LARP4B: variants seen among roughly 807,000 people sequenced by gnomAD.
The protein encoded by LARP4B is La ribonucleoprotein 4B.
In LARP4B, 12 loss-of-function variants were observed where a neutral mutation model predicts 89.8. That is an observed-to-expected ratio of 0.13 (90% CI 0.09 to 0.22). The LOEUF (loss-of-function observed/expected upper bound fraction) is 0.22. LARP4B is among the 10% of genes least tolerant of loss of function. The probability of loss-of-function intolerance (pLI) is 1.00; values close to 1 mark genes in which losing one functional copy is unlikely to be tolerated. For missense variants in LARP4B, 757 were observed against 947.7 expected (o/e 0.80, Z 2.64); for synonymous variants, 367 against 363.3 (o/e 1.01, Z -0.12).
upstream of LARP4B, among the ~76,000 whole-genome samples, chr10:934,128 G>A (rs143176833): frequency 6.6e-6 from 1 of 151,890 alleles, no homozygotes; most frequent in Non-Finnish European, 1.5e-5. Context: ...CACCGTTCCC[G>A]GCTGGTAGGT....
At chr10:809,378 C>T (rs1188485834), downstream of LARP4B, 2 of 152,218 alleles carry the variant, frequency 1.3e-5, no homozygotes, top group Non-Finnish European at 2.9e-5. Flanking sequence ...GGGTGAGCCC[C>T]GTGTGCCACA....
downstream of LARP4B, chr10:808,963 A>C (rs2131577568): frequency 6.6e-6 from 1 of 152,370 alleles, no homozygotes; most frequent in Non-Finnish European, 1.5e-5. Flanking sequence ...AACATATATG[A>C]CAAAGGATTA....
chr10:966,087 T>TGA, the LARP4B span, among the ~76,000 whole-genome samples: 51 of 50,352 alleles, frequency 1.0e-3, 1 homozygote, highest in East Asian at 0.032. Flanking sequence ...TGTGTGTGTA[T>TGA]GAGATTTTAT....
rs373975038 is a variant in LARP4B, at chr10:888,762, C to A, written c.-39-3002G>T. 2.5e-4 allele frequency among the ~76,000 whole-genome samples: 38 copies of A among 152,284 alleles called. 1 individual carries two copies. The East Asian group carries it at 7.1e-3, about 29-fold the overall frequency. ...ATAACCACCACTGGATTTAACCAATCAAGGAATAAATGTTTGCAAAGTGAA... is the reference window on the plus strand; with the variant it reads ...ATAACCACCACTGGATTTAACCAATAAAGGAATAAATGTTTGCAAAGTGAA... On this transcript the variant is annotated intron_variant, in intron 1 of 17. Coordinates refer to ENST00000316157, the MANE Select transcript of LARP4B (RefSeq NM_015155.3).
intron 1 of LARP4B, among the ~76,000 whole-genome samples, chr10:913,286 C>A (rs966958604): frequency 6.6e-6 from 1 of 152,164 alleles, no homozygotes; most frequent in African/African-American, 2.4e-5. Context: ...ACTGTAAGAT[C>A]TGCTTCTGTT....
the LARP4B span, among the ~76,000 whole-genome samples, chr10:950,095 G>A: frequency 0.43 from 64,596 of 151,826 alleles, 13,785 homozygotes; most frequent in African/African-American, 0.45. Flanking sequence ...TTTTTTAACC[G>A]TTGAGTTTTG....
At chr10:935,173 A>G (rs1564453448), upstream of LARP4B, among the ~76,000 whole-genome samples, 1 of 152,096 alleles carries the variant, frequency 6.6e-6, no homozygotes, top group Non-Finnish European at 1.5e-5. Flanking sequence ...ATGAGTCTAC[A>G]CTTGAATAAA....
At chr10:909,796 A>G (rs2132017003) in intron 1 of LARP4B, among the ~76,000 whole-genome samples, 2 of 152,176 alleles carry the variant, frequency 1.3e-5, no homozygotes, top group East Asian at 3.8e-4. Flanking sequence ...TAAAAAAAAA[A>G]AGAATTTAAG....
At chr10:984,175 C>G in the LARP4B span, among the ~76,000 whole-genome samples, 1 of 152,210 alleles carries the variant, frequency 6.6e-6, no homozygotes, top group Non-Finnish European at 1.5e-5. Flanking sequence ...CCTGCTTAAC[C>G]AGCTTCCAGA....
At chr10:891,201 G>A (rs116231034) in intron 1 of LARP4B, among the ~76,000 whole-genome samples, 106 of 150,820 alleles carry the variant, frequency 7.0e-4, no homozygotes, top group African/African-American at 2.3e-3. Flanking sequence ...ATCTTATTAC[G>A]AACTAACCGC....
At chr10:858,451 A>G (rs1397651376) in intron 5 of LARP4B, among the ~76,000 whole-genome samples, 1 of 152,194 alleles carries the variant, frequency 6.6e-6, no homozygotes, top group Non-Finnish European at 1.5e-5. Context: ...CTCAGACGAA[A>G]ACACAGACAA....
At chr10:967,606 A>T in the LARP4B span, among the ~76,000 whole-genome samples, 1 of 152,240 alleles carries the variant, frequency 6.6e-6, no homozygotes, top group Non-Finnish European at 1.5e-5. Context: ...GCAGAACTCT[A>T]GGAAGGAGGA....
At chr10:894,172 T>G (rs1220494118) in intron 1 of LARP4B, among the ~76,000 whole-genome samples, 1 of 152,218 alleles carries the variant, frequency 6.6e-6, no homozygotes, top group East Asian at 1.9e-4. Context: ...TATTTTTCAG[T>G]ATTATCATTA....
At chr10:887,930 C>T (rs1212412145) in intron 1 of LARP4B, among the ~76,000 whole-genome samples, 2 of 151,862 alleles carry the variant, frequency 1.3e-5, no homozygotes, top group East Asian at 1.9e-4. Flanking sequence ...GAGGCTGAGA[C>T]ACTAGAATCG....
chr10:904,756 G>A (rs551432684), intron 1 of LARP4B, among the ~76,000 whole-genome samples: 27 of 152,190 alleles, frequency 1.8e-4, no homozygotes, highest in African/African-American at 6.3e-4. Context: ...TTAGTTACCC[G>A]AGCACATCAT....
At chr10:819,493 A>G (rs1295075303) in intron 14 of LARP4B, 2 of 152,264 alleles carry the variant, frequency 1.3e-5, no homozygotes, top group Non-Finnish European at 2.9e-5. Flanking sequence ...TGAGGTCCTG[A>G]GAGCACGTAC....
intron 3 of LARP4B, among the ~76,000 whole-genome samples, chr10:872,837 C>T (rs1414509489): frequency 6.6e-6 from 1 of 152,124 alleles, no homozygotes; most frequent in Non-Finnish European, 1.5e-5. Flanking sequence ...GTCATTCTCA[C>T]CCAAGTTTTC....
At chr10:908,916 G>A (rs1001880618) in intron 1 of LARP4B, among the ~76,000 whole-genome samples, 1 of 152,148 alleles carries the variant, frequency 6.6e-6, no homozygotes, top group Non-Finnish European at 1.5e-5. Context: ...CCTCCTTTGG[G>A]GGACACCTGA....
intron 1 of LARP4B, among the ~76,000 whole-genome samples, chr10:920,028 C>T (rs1366721022): frequency 6.6e-6 from 1 of 152,188 alleles, no homozygotes; most frequent in African/African-American, 2.4e-5. Flanking sequence ...TTAAAAAGCA[C>T]AGTCTAATAA....
Sources: allele counts gnomAD v4.1 joint callset (sites outside exome capture counted in the v4.1 genomes callset), GRCh38; gene constraint gnomAD v4.1.1; transcripts MANE v1.5; gene names NCBI Gene and HGNC (gene_info 2026-07-23, HGNC 2026-07-21).